Variants in FCHSD2 observed in about 807,000 individuals in gnomAD.
FCHSD2 encodes F-BAR and double SH3 domains protein 2.
A neutral mutation model predicts 108.1 loss-of-function variants in FCHSD2; 38 were observed. The observed-to-expected ratio is 0.35, with a 90% confidence interval of 0.27 to 0.46. The LOEUF is 0.46. Among genes scored for constraint, FCHSD2 ranks in the 20% least tolerant of loss-of-function variants. The pLI is 1.00. For missense variants in FCHSD2, 751 were observed against 897.8 expected (o/e 0.84, Z 2.09); for synonymous variants, 279 against 314.7 (o/e 0.89, Z 1.20).
intron 12 of FCHSD2, 148 bp from the exon 13 acceptor site, chr11:72,868,174 AG>A: frequency 1.4e-6 from 1 of 717,320 alleles, no homozygotes; most frequent in South Asian, 2.0e-5. Context: ...AGCCATAAAA[AG>A]GACAGAGATC....
intron 8 of FCHSD2, among the ~76,000 whole-genome samples, chr11:72,978,382 C>T (rs1300437925): frequency 6.6e-6 from 1 of 151,806 alleles, no homozygotes; most frequent in Non-Finnish European, 1.5e-5. Flanking sequence ...AGACATTTCT[C>T]AAAAAAAGTC....
chr11:72,957,777 G>A (rs1856743221), intron 8 of FCHSD2, among the ~76,000 whole-genome samples: 1 of 151,870 alleles, frequency 6.6e-6, no homozygotes, highest in Admixed American at 6.6e-5. Context: ...CTCTCAAATG[G>A]ATCAGAAAAA....
At chr11:72,988,416 T>G (rs543225958) in intron 6 of FCHSD2, among the ~76,000 whole-genome samples, 3 of 152,246 alleles carry the variant, frequency 2.0e-5, no homozygotes, top group Non-Finnish European at 4.4e-5. Context: ...TTCACATATA[T>G]TGAATTCATA....
chr11:72,950,544 G>A (rs2135356136), intron 8 of FCHSD2, among the ~76,000 whole-genome samples: 1 of 152,118 alleles, frequency 6.6e-6, no homozygotes, highest in South Asian at 2.1e-4. Flanking sequence ...CTTCTTGCAT[G>A]TGGATATTCA....
Position 72,842,759 on chromosome 11 carries a change from G to A in FCHSD2, c.1788C>T (p.Ile596=). 1 of 1,613,956 alleles carries A rather than the reference G, an allele frequency of 6.2e-7. No homozygotes were observed. The highest frequency in any genetic ancestry group is 8.5e-7 in the Non-Finnish European group (1 of 1,179,888). ...LSFPEGAIIR[I]LNKENQDDDG... is the part of the protein sequence containing the mutation. ...CATCATCTTGGTTTTCTTTGTTCAA[G>A]ATACGGATTATTGCTCCCTCAGGAA... The change falls in exon 17 of 20, where the codon ATC becomes ATT. Residue 596 remains isoleucine (I), a synonymous_variant. Coordinates refer to ENST00000409418, the MANE Select transcript of FCHSD2 (RefSeq NM_014824.3).
chr11:73,095,916 A>C (rs560795871), intron 2 of FCHSD2, among the ~76,000 whole-genome samples: 34 of 152,310 alleles, frequency 2.2e-4, no homozygotes, highest in Admixed American at 5.2e-4. Context: ...GGATTAAAAA[A>C]AAAAAAAGTT....
intron 3 of FCHSD2, among the ~76,000 whole-genome samples, chr11:73,058,517 C>G (rs925212222): frequency 1.3e-5 from 2 of 151,202 alleles, no homozygotes; most frequent in Admixed American, 6.6e-5. Context: ...GCTTCAAGAT[C>G]TTTATTTTTA....
chr11:72,915,606 G>T (rs1855856495), intron 9 of FCHSD2, among the ~76,000 whole-genome samples: 2 of 152,042 alleles, frequency 1.3e-5, no homozygotes, highest in African/African-American at 4.8e-5. Flanking sequence ...ATCACCTGAG[G>T]TCAGGAGTTC....
chr11:73,049,474 G>A (rs2135473515), intron 3 of FCHSD2, among the ~76,000 whole-genome samples: 1 of 142,080 alleles, frequency 7.0e-6, no homozygotes, highest in East Asian at 2.1e-4. Context: ...ATGGGATGTA[G>A]ACTACTAGAA....
intron 3 of FCHSD2, among the ~76,000 whole-genome samples, chr11:73,079,297 A>G (rs989226561): frequency 6.6e-6 from 1 of 151,644 alleles, no homozygotes; most frequent in Non-Finnish European, 1.5e-5. Flanking sequence ...TCTGGTTTCA[A>G]GTGATTCTCC....
chr11:73,131,618 C>T (rs1422618524), intron 2 of FCHSD2, among the ~76,000 whole-genome samples: 3 of 151,570 alleles, frequency 2.0e-5, no homozygotes, highest in Non-Finnish European at 4.4e-5. Context: ...GCACAAGGAT[C>T]GCTTGAGTCT....
intron 2 of FCHSD2, among the ~76,000 whole-genome samples, chr11:73,126,991 T>C (rs913381368): frequency 2.0e-5 from 3 of 152,228 alleles, no homozygotes; most frequent in Admixed American, 6.5e-5. Context: ...TGAGCCGAGA[T>C]TGCACCACTG....
Position 72,887,578 on chromosome 11 carries a change from T to C in FCHSD2, c.1042-4A>G. The C allele has an allele frequency of 1.3e-6, 2 of 1,518,940 alleles. No homozygotes were observed. The highest frequency in any genetic ancestry group is 1.8e-6 in the Non-Finnish European group (2 of 1,131,154). The allele number at this position is 1,518,940 out of a possible 1,614,324, so 94.1% of individuals were successfully genotyped here. On this transcript the variant is annotated splice_polypyrimidine_tract_variant and splice_region_variant and intron_variant, in intron 11 of 19. Coordinates refer to ENST00000409418, the MANE Select transcript of FCHSD2 (RefSeq NM_014824.3). ...GACACTCCAGATCATTTAGAACCTATTAAAGAAAATGGGACAATAATGATG... is the reference window on the plus strand; with the variant it reads ...GACACTCCAGATCATTTAGAACCTACTAAAGAAAATGGGACAATAATGATG...
intron 12 of FCHSD2, among the ~76,000 whole-genome samples, chr11:72,877,379 T>C (rs1280712663): frequency 6.6e-6 from 1 of 152,174 alleles, no homozygotes; most frequent in East Asian, 1.9e-4. Flanking sequence ...TCCTTACAGA[T>C]GCAGGGCTAT....
rs7117334 is a variant in FCHSD2 at position 72,854,794 on chromosome 11, G to C, written c.1309-4905C>G. Among the ~76,000 whole-genome samples, 1,006 of 152,268 alleles carry C rather than the reference G, an allele frequency of 6.6e-3. 13 individuals carry two copies. Among genetic ancestry groups the C allele is most frequent in the African/African-American group, 0.023 (974 of 41,546 alleles). ...GTGATTGTCAGAGGCTGCATGATGG[G>C]GAGTTATTGCTTAATGGCCAGAAAG... On this transcript the variant is annotated intron_variant, in intron 13 of 19. Coordinates refer to ENST00000409418, the MANE Select transcript of FCHSD2 (RefSeq NM_014824.3).
Position 72,841,601 on chromosome 11 carries a change from G to C in FCHSD2, c.1927-18C>G. 1 of 1,583,238 alleles carries C rather than the reference G, an allele frequency of 6.3e-7. No homozygotes were observed. Among genetic ancestry groups the C allele is most frequent in the East Asian group, 2.3e-5 (1 of 44,176 alleles). ...GGAGAGATCTGCAGCAAAGGGAAGC[G>C]AGGTTACCCGGTGCTCCCCTCCAGG... On this transcript the variant is annotated intron_variant, in intron 17 of 19. Coordinates refer to ENST00000409418, the MANE Select transcript of FCHSD2 (RefSeq NM_014824.3).
At chr11:73,133,475 T>C (rs1172283918) in intron 2 of FCHSD2, among the ~76,000 whole-genome samples, 1 of 152,074 alleles carries the variant, frequency 6.6e-6, no homozygotes, top group African/African-American at 2.4e-5. Context: ...CTGATGAATC[T>C]TGAAAACATT....
chr11:72,903,356 A>C (rs1855566602), intron 9 of FCHSD2, among the ~76,000 whole-genome samples: 1 of 151,952 alleles, frequency 6.6e-6, no homozygotes, highest in African/African-American at 2.4e-5. Context: ...AGCTGGGACT[A>C]CAGGCGCCCG....
intron 3 of FCHSD2, among the ~76,000 whole-genome samples, chr11:73,034,535 T>C (rs752415874): frequency 2.8e-4 from 43 of 152,214 alleles, no homozygotes; most frequent in Non-Finnish European, 4.0e-4. Context: ...AGATCAAAGT[T>C]TCCACTCTTG....
Sources: gnomAD v4.1 joint callset for allele counts (sites outside exome capture counted in the v4.1 genomes callset) on GRCh38, gnomAD v4.1.1 for gene constraint, MANE v1.5 for transcripts, NCBI Gene and HGNC (gene_info 2026-07-23, HGNC 2026-07-21) for gene names.